The following TRADD variants were observed in gnomAD, a reference collection of about 807,000 sequenced individuals.
TRADD encodes the protein TNFRSF1A associated via death domain.
In TRADD, 14 loss-of-function variants were observed where a neutral mutation model predicts 31.5. That is an observed-to-expected ratio of 0.44 (90% CI 0.29 to 0.69). The LOEUF is 0.69. Among genes scored for constraint, TRADD ranks in the 30% least tolerant of loss-of-function variants. The probability of loss-of-function intolerance (pLI) is 0.11; values close to 1 mark genes in which losing one functional copy is unlikely to be tolerated. For missense variants in TRADD, 388 were observed against 435.7 expected, an observed-to-expected ratio of 0.89 and a Z score of 0.97; for synonymous variants, 220 against 215.8, an observed-to-expected ratio of 1.02 and a Z score of -0.17.
chr16:67,155,128 G>A lies in TRADD; in HGVS notation c.596C>T (p.Ala199Val). 6.5e-7 allele frequency: 1 copy of A among 1,545,008 alleles called. No homozygotes were observed. Residue 199 changes from alanine (A) to valine (V), a missense_variant, in exon 4 of 5, where the codon GCC (alanine) becomes GTC (valine). Ala to Val is a moderately conservative substitution (Grantham distance 64). Coordinates refer to ENST00000345057, the MANE Select transcript of TRADD (RefSeq NM_003789.4). ...CTGACCCTGGAACAGAAAAGTCTGG[G>A]CAGGTGGCGGCGGCGGCGGCGGCTT... ...EVKPPPPPPP[A>V]QTFLFQGQPV... is the part of the protein sequence containing the mutation.
At position 67,156,041 on chromosome 16, in the gene TRADD, A is replaced by C; in HGVS notation, c.152-387T>G. 7.4e-7 allele frequency: 1 copy of C among 1,358,750 alleles called. No homozygotes were observed. The highest frequency in any genetic ancestry group is 4.2e-5 in the East Asian group (1 of 23,980). 84.2% of individuals were successfully genotyped at this position (1,358,750 alleles called of 1,614,324 possible). On this transcript the variant is annotated intron_variant, in intron 2 of 4. Coordinates refer to ENST00000345057, the MANE Select transcript of TRADD (RefSeq NM_003789.4). The surrounding 1 kb of genome is among the most constrained non-coding windows in gnomAD (Gnocchi z 4.6). ...GGTCTCAGGTCTTCGGCCTCCACCA[A>C]GCGCGACTCCCACTGCTCGGGAAGA...
rs1481145383 is a variant in TRADD at position 67,154,503 on chromosome 16, G to A, written c.*146C>T. ...GCACCCCCAGTGGTCTGGCTCCTGG[G>A]GAAGGCAATCAACTCTGCCCCAGCA... On this transcript the variant is annotated 3_prime_UTR_variant, in exon 5 of 5. Coordinates refer to ENST00000345057, the MANE Select transcript of TRADD (RefSeq NM_003789.4). This position sits in a 1 kb window ranked among gnomAD's most constrained non-coding sequence, Gnocchi z 5.2. 2.0e-6 allele frequency: 2 copies of A among 994,684 alleles called. No individual in the cohort carries two copies. Among genetic ancestry groups the A allele is most frequent in the East Asian group, 2.6e-5 (1 of 38,216 alleles). The allele number at this position is 994,684 out of a possible 1,614,324, so 61.6% of individuals were successfully genotyped here.
In TRADD at chr16:67,155,409, C is replaced by G. The variant is rs764954397; in HGVS notation, c.397G>C (p.Glu133Gln). Residue 133 changes from glutamate to glutamine, a missense_variant, in exon 3 of 5, where the codon GAG (glutamate) becomes CAG (glutamine). Coordinates refer to ENST00000345057, the MANE Select transcript of TRADD (RefSeq NM_003789.4). ...ERLDALLADE[E>Q]RCLSCILAQQ... ...GCTAGGATGCAACTCAAACAGCGCT[C>G]CTCGTCCGCCAGCAAAGCGTCCAGC... 6.9e-6 allele frequency: 11 copies of G among 1,598,288 alleles called. No homozygotes were observed. Among genetic ancestry groups the G allele is most frequent in the Non-Finnish European group, 8.5e-6 (10 of 1,179,580 alleles).
chr16:67,155,096 C>T lies in TRADD; in HGVS notation c.628G>A (p.Val210Met). Residue 210 changes from valine to methionine, a missense_variant and splice_region_variant, in exon 4 of 5, where the codon GTG becomes ATG. By Grantham distance (21) the Val-to-Met change is conservative. Transcript: ENST00000345057. ...QTFLFQGQPV[V>M]NRPLSLKDQQ... Reference sequence around the variant, plus strand: ...CCCCGCCTCTCCACCTGCGCCTCACCTACAGGCTGACCCTGGAACAGAAAA... The same window carrying T: ...CCCCGCCTCTCCACCTGCGCCTCACTTACAGGCTGACCCTGGAACAGAAAA... The T allele has an allele frequency of 6.5e-7, 1 of 1,544,460 alleles. No homozygotes were observed. The highest frequency in any genetic ancestry group is 8.7e-7 in the Non-Finnish European group (1 of 1,147,730).
In TRADD at chr16:67,156,174, TGGGGA is replaced by T; in HGVS notation, c.151+331_151+335del. On this transcript the variant is annotated intron_variant, in intron 2 of 4. Transcript: ENST00000345057. The surrounding 1 kb of genome is among the most constrained non-coding windows in gnomAD (Gnocchi z 4.6). ...AAGGGGGGCCTGGAAGGGTAGGTAC[TGGGGA>T]GGGGTCTTGAGCAAGGAGTGCTGCA... The T allele has an allele frequency of 1.4e-6, 2 of 1,389,478 alleles. No individual in the cohort carries two copies. Among genetic ancestry groups the T allele is most frequent in the Non-Finnish European group, 1.9e-6 (2 of 1,054,548 alleles). 86.1% of individuals were successfully genotyped at this position (1,389,478 alleles called of 1,614,324 possible). A position where few individuals can be genotyped will look rare whatever the true frequency, so the allele number is the denominator to read the frequency against.
chr16:67,154,592 C>A lies in TRADD; in HGVS notation c.*57G>T. The A allele has an allele frequency of 1.3e-6, 2 of 1,573,474 alleles. No homozygotes were observed. ...TGGATGGACAGGGGTTCAGCAATAG[C>A]CGCAGAAGGAACCCTAAGGCCATCC... On this transcript the variant is annotated 3_prime_UTR_variant, in exon 5 of 5. Transcript: ENST00000345057. This position sits in a 1 kb window ranked among gnomAD's most constrained non-coding sequence, Gnocchi z 5.2.
At position 67,156,399 on chromosome 16, in the gene TRADD, G is replaced by A. The variant is rs2030698755; in HGVS notation, c.151+111C>T. 2.0e-6 allele frequency: 3 copies of A among 1,533,138 alleles called. No homozygotes were observed. Among genetic ancestry groups the A allele is most frequent in the East Asian group, 2.3e-5 (1 of 43,504 alleles). 95.0% of individuals were successfully genotyped at this position (1,533,138 alleles called of 1,614,324 possible). A position where few individuals can be genotyped will look rare whatever the true frequency, so the allele number is the denominator to read the frequency against. On this transcript the variant is annotated intron_variant, in intron 2 of 4. Coordinates refer to ENST00000345057, the MANE Select transcript of TRADD (RefSeq NM_003789.4). This position sits in a 1 kb window ranked among gnomAD's most constrained non-coding sequence, Gnocchi z 4.6. Reference sequence around the variant, plus strand: ...GAGTCTGCACAGCCAGGGGTCCTCCGTCTTGCTCCTCCCACCCCAAATCTT... The same window carrying A: ...GAGTCTGCACAGCCAGGGGTCCTCCATCTTGCTCCTCCCACCCCAAATCTT...
At chr16:67,155,954 G>T in intron 2 of TRADD, 2 of 1,467,812 alleles carry the variant, frequency 1.4e-6, no homozygotes, top group Non-Finnish European at 1.8e-6. Flanking sequence ...AGAAAAGGGG[G>T]CGTGTGCCCT....
chr16:67,158,001 T>C (rs2030760969), intron 1 of TRADD, among the ~76,000 whole-genome samples: 1 of 151,950 alleles, frequency 6.6e-6, no homozygotes, highest in African/African-American at 2.4e-5. Context: ...TCAGGGTTTA[T>C]ATATGGTGGG....
rs200920910 is a variant in TRADD at position 67,155,407 on chromosome 16, C to A, written c.399G>T (p.Glu133Asp). The change falls in exon 3 of 5, where the codon GAG becomes GAT. Residue 133 changes from glutamate to aspartate, a missense_variant. Coordinates refer to ENST00000345057, the MANE Select transcript of TRADD (RefSeq NM_003789.4). ...GGGCTAGGATGCAACTCAAACAGCG[C>A]TCCTCGTCCGCCAGCAAAGCGTCCA... The part of the protein sequence containing the change: ...ERLDALLADE[E>D]RCLSCILAQQ... The A allele has an allele frequency of 7.1e-5, 113 of 1,598,450 alleles. 1 individual carries two copies. The African/African-American group carries it at 1.3e-3, about 18-fold the overall frequency.
rs1172723980 is a variant in TRADD at position 67,156,088 on chromosome 16, A to T, written c.151+422T>A. On this transcript the variant is annotated intron_variant, in intron 2 of 4. Transcript: ENST00000345057. The surrounding 1 kb of genome is among the most constrained non-coding windows in gnomAD (Gnocchi z 4.6). ...AAGAAGAGGGGCTCTCGCCGCTCTG[A>T]GGCCACGAACAGATCCCCCAACCCG... The T allele has an allele frequency of 1.5e-6, 2 of 1,348,022 alleles. No individual in the cohort carries two copies. The highest frequency in any genetic ancestry group is 1.5e-5 in the African/African-American group (1 of 68,136). The allele number at this position is 1,348,022 out of a possible 1,614,324, so 83.5% of individuals were successfully genotyped here.
rs927717512 is a variant in TRADD, at chr16:67,154,426, T to TC, written c.*222dup. 4.2e-5 allele frequency: 26 copies of TC among 613,168 alleles called. No homozygotes were observed. Among genetic ancestry groups the TC allele is most frequent in the African/African-American group, 1.3e-4 (7 of 53,738 alleles). The allele number at this position is 613,168 out of a possible 1,614,324, so 38.0% of individuals were successfully genotyped here. A position where few individuals can be genotyped will look rare whatever the true frequency, so the allele number is the denominator to read the frequency against. ...AGGTGAGGCTGATCTCCAAAGCAGG[T>TC]CCCCCCCACCCCACACTCTATCAAA... is the stretch of plus-strand genomic sequence containing the variant. On this transcript the variant is annotated 3_prime_UTR_variant, in exon 5 of 5. Transcript: ENST00000345057. This position sits in a 1 kb window ranked among gnomAD's most constrained non-coding sequence, Gnocchi z 5.2.
chr16:67,156,735 G>A lies in TRADD; in HGVS notation c.-8-67C>T. 2 of 1,600,182 alleles carry A rather than the reference G, an allele frequency of 1.2e-6. No homozygotes were observed. The highest frequency in any genetic ancestry group is 2.2e-5 in the South Asian group (2 of 90,920). Reference sequence around the variant, plus strand: ...CCTCCACCCTGGAGACAACTACCCAGCCCCACGTGGTTCAGCTGTCCCCAC... The same window carrying A: ...CCTCCACCCTGGAGACAACTACCCAACCCCACGTGGTTCAGCTGTCCCCAC... On this transcript the variant is annotated intron_variant, in intron 1 of 4. Transcript: ENST00000345057. This position sits in a 1 kb window ranked among gnomAD's most constrained non-coding sequence, Gnocchi z 4.6.
rs1186016223 is a variant in TRADD, at chr16:67,159,809, G to T, written c.-9+29C>A. The T allele has an allele frequency of 6.6e-6, 1 of 152,234 alleles. No homozygotes were observed. Among genetic ancestry groups the T allele is most frequent in the African/African-American group, 2.4e-5 (1 of 41,446 alleles). 9.4% of individuals were successfully genotyped at this position (152,234 alleles called of 1,614,324 possible). A position where few individuals can be genotyped will look rare whatever the true frequency, so the allele number is the denominator to read the frequency against. On this transcript the variant is annotated intron_variant, in intron 1 of 4. Coordinates refer to ENST00000345057, the MANE Select transcript of TRADD (RefSeq NM_003789.4). The surrounding 1 kb of genome is among the most constrained non-coding windows in gnomAD (Gnocchi z 6.8). ...CACCTCCTCTCCCGCCCGCACCGGG[G>T]AGCCCACCCACCCACCTGCTGCACT... is the stretch of plus-strand genomic sequence containing the variant.
At chr16:67,157,437 C>A (rs1464540006) in intron 1 of TRADD, among the ~76,000 whole-genome samples, 2 of 152,200 alleles carry the variant, frequency 1.3e-5, no homozygotes, top group Non-Finnish European at 2.9e-5. Context: ...GCACTACTTT[C>A]CCTTCCCTTG....
Position 67,156,150 on chromosome 16 carries a change from AGGG to A in TRADD, c.151+357_151+359del. The A allele has an allele frequency of 7.3e-7, 1 of 1,365,970 alleles. No homozygotes were observed. Among genetic ancestry groups the A allele is most frequent in the Non-Finnish European group, 9.6e-7 (1 of 1,039,448 alleles). 84.6% of individuals were successfully genotyped at this position (1,365,970 alleles called of 1,614,324 possible). A position where few individuals can be genotyped will look rare whatever the true frequency, so the allele number is the denominator to read the frequency against. On this transcript the variant is annotated intron_variant, in intron 2 of 4. Transcript: ENST00000345057. This position sits in a 1 kb window ranked among gnomAD's most constrained non-coding sequence, Gnocchi z 4.6. ...TGTGGCCTCTGCCCTGAGATGGGAA[AGGG>A]GGGCCTGGAAGGGTAGGTACTGGGG...
chr16:67,156,711 C>T lies in TRADD; in HGVS notation c.-8-43G>A, dbSNP rs777389957. 1 of 1,610,240 alleles carries T rather than the reference C, an allele frequency of 6.2e-7. No homozygotes were observed. Among genetic ancestry groups the T allele is most frequent in the South Asian group, 1.1e-5 (1 of 91,080 alleles). ...CAGGTATCCAGTTCATCCCCCCTCC[C>T]TCCACCCTGGAGACAACTACCCAGC... On this transcript the variant is annotated intron_variant, in intron 1 of 4. Coordinates refer to ENST00000345057, the MANE Select transcript of TRADD (RefSeq NM_003789.4). This position sits in a 1 kb window ranked among gnomAD's most constrained non-coding sequence, Gnocchi z 4.6.
In TRADD at chr16:67,156,769, C is replaced by A. The variant is rs1381041862; in HGVS notation, c.-8-101G>T. On this transcript the variant is annotated intron_variant, in intron 1 of 4. Coordinates refer to ENST00000345057, the MANE Select transcript of TRADD (RefSeq NM_003789.4). The surrounding 1 kb of genome is among the most constrained non-coding windows in gnomAD (Gnocchi z 4.6). ...GGTTCAGCTGTCCCCACCACAGTAG[C>A]CTCAAGTCCCACATGGTTCAGTTGT... 1 of 1,477,308 alleles carries A rather than the reference C, an allele frequency of 6.8e-7. No homozygotes were observed. Among genetic ancestry groups the A allele is most frequent in the East Asian group, 2.3e-5 (1 of 44,290 alleles). The allele number at this position is 1,477,308 out of a possible 1,614,324, so 91.5% of individuals were successfully genotyped here. A position where few individuals can be genotyped will look rare whatever the true frequency, so the allele number is the denominator to read the frequency against.
rs2030582416 is a variant in TRADD, at chr16:67,154,585, G to A, written c.*64C>T. On this transcript the variant is annotated 3_prime_UTR_variant, in exon 5 of 5. Transcript: ENST00000345057. This position sits in a 1 kb window ranked among gnomAD's most constrained non-coding sequence, Gnocchi z 5.2. ...GGTCCCGTGGATGGACAGGGGTTCA[G>A]CAATAGCCGCAGAAGGAACCCTAAG... The A allele has an allele frequency of 2.6e-6, 4 of 1,557,036 alleles. No individual in the cohort carries two copies. The Admixed American group carries it at 7.4e-5, about 29-fold the overall frequency.
Sources: allele counts gnomAD v4.1 joint callset (sites outside exome capture counted in the v4.1 genomes callset), GRCh38; gene constraint gnomAD v4.1.1; non-coding constraint Gnocchi (gnomAD v3.1); transcripts MANE v1.5; gene names NCBI Gene and HGNC (gene_info 2026-07-23, HGNC 2026-07-21).